The following LAMA3 variants were observed in gnomAD, a reference collection of about 807,000 sequenced individuals.
LAMA3 encodes the protein laminin subunit alpha-3.
LAMA3 carries 281 observed loss-of-function variants against 402.0 expected under a neutral mutation model. The observed-to-expected ratio is 0.70, with a 90% CI of 0.63 to 0.77. LAMA3 has a LOEUF of 0.77. LAMA3 is among the 30% of genes least tolerant of loss of function. The pLI is 0.00. For synonymous variants in LAMA3, 1,431 were observed against 1,558.4 expected, an observed-to-expected ratio of 0.92 and a Z score of 1.93; for missense variants, 3,840 against 4,215.5, an observed-to-expected ratio of 0.91 and a Z score of 2.47.
intron 12 of LAMA3, among the ~76,000 whole-genome samples, chr18:23,789,283 A>G (rs1227067779): frequency 6.6e-6 from 1 of 152,206 alleles, no homozygotes; most frequent in Non-Finnish European, 1.5e-5. Flanking sequence ...AAAGTTAAAC[A>G]TAAAGTTACC....
chr18:23,738,973 G>T (rs1261680916), intron 2 of LAMA3, among the ~76,000 whole-genome samples: 1 of 152,174 alleles, frequency 6.6e-6, no homozygotes, highest in African/African-American at 2.4e-5. Context: ...CGGTGGAAAG[G>T]GGATTCAGAT....
In LAMA3 at chr18:23,901,136, G is replaced by A. The variant is rs556381641; in HGVS notation, c.6014G>A (p.Arg2005Gln). The A allele has an allele frequency of 9.5e-5, 154 of 1,613,996 alleles. 1 individual carries two copies. The highest frequency in any genetic ancestry group is 5.7e-4 in the South Asian group (52 of 91,072). ...DKRESQLLLN[R>Q]IRTWQKTHQG... ...AGGTGATGTATTACAGTGCTGAACC[G>A]GATAAGGACCTGGCAGAAAACCCAC... Residue 2005 changes from arginine to glutamine, a missense_variant, in exon 48 of 75, where the codon CGG becomes CAG. Arg to Gln is a conservative substitution (Grantham distance 43). Around this residue, in one of 3 missense-constraint regions of LAMA3, gnomAD observed 891 missense variants for 857.5 expected, o/e 1.04. Transcript: ENST00000313654.
chr18:23,813,231 T>C lies in LAMA3; in HGVS notation c.1788+128T>C, dbSNP rs2063109196. On this transcript the variant is annotated intron_variant, in intron 14 of 74. Coordinates refer to ENST00000313654, the MANE Select transcript of LAMA3 (RefSeq NM_198129.4). The stretch of plus-strand genomic sequence containing the variant: ...AAGGCTAAATTGCTTAAAGAGGTCA[T>C]TGTTGTTTTTCAAAGAGCATATGTG... The C allele has an allele frequency of 8.8e-6, 6 of 682,064 alleles. No homozygotes were observed. In the East Asian group the frequency reaches 1.3e-4, roughly 15 times the overall value. The allele number at this position is 682,064 out of a possible 1,614,324, so 42.3% of individuals were successfully genotyped here.
At chr18:23,719,977 C>G (rs2061180765) in intron 2 of LAMA3, among the ~76,000 whole-genome samples, 1 of 152,184 alleles carries the variant, frequency 6.6e-6, no homozygotes, top group Non-Finnish European at 1.5e-5. Flanking sequence ...TTCAGGAGGC[C>G]AGGGACTATG....
intron 11 of LAMA3, 112 bp downstream of exon 11, chr18:23,777,731 T>A (rs897703201): frequency 1.2e-6 from 1 of 838,070 alleles, no homozygotes; most frequent in African/African-American, 1.7e-5. Context: ...TCCTAGAGCA[T>A]GGTAGGTGCC....
chr18:23,930,935 A>G, intron 64 of LAMA3, 127 bp from the exon 65 acceptor site: 1 of 882,638 alleles, frequency 1.1e-6, no homozygotes, highest in Non-Finnish European at 1.8e-6. Flanking sequence ...CAAAAAGCAA[A>G]CTCAAAGCAT....
chr18:23,830,259 C>A (rs755989072), intron 23 of LAMA3, among the ~76,000 whole-genome samples: 1 of 152,148 alleles, frequency 6.6e-6, no homozygotes, highest in Non-Finnish European at 1.5e-5. Context: ...CCATCTGAAC[C>A]AGAAGTCACC....
chr18:23,890,025 A>T lies in LAMA3; in HGVS notation c.5318A>T (p.Tyr1773Phe), dbSNP rs1201062773. 2 of 1,613,746 alleles carry T rather than the reference A, an allele frequency of 1.2e-6. No individual in the cohort carries two copies. Among genetic ancestry groups the T allele is most frequent in the Non-Finnish European group, 1.7e-6 (2 of 1,179,646 alleles). Residue 1773 changes from tyrosine to phenylalanine, a missense_variant, in exon 42 of 75, where the codon TAT becomes TTT. Tyr to Phe is a conservative substitution (Grantham distance 22, BLOSUM62 3). Coordinates refer to ENST00000313654, the MANE Select transcript of LAMA3 (RefSeq NM_198129.4). ...GTQCERCAPGYFGNPQKFGGS... is the reference protein window; with the variant it reads ...GTQCERCAPGFFGNPQKFGGS... ...ATTTTGTGTAGGTGTGCACCGGGAT[A>T]TTTCGGGAATCCCCAGAAATTCGGA...
At chr18:23,912,971 C>T (rs964450013) in intron 56 of LAMA3, 90 bp downstream of exon 56, 2 of 1,174,994 alleles carry the variant, frequency 1.7e-6, no homozygotes, top group African/African-American at 3.0e-5. Flanking sequence ...TGCATCACTG[C>T]CATTAGCACA....
At chr18:23,770,501 C>G (rs2062173632) in intron 8 of LAMA3, among the ~76,000 whole-genome samples, 2 of 152,194 alleles carry the variant, frequency 1.3e-5, no homozygotes, top group Admixed American at 1.3e-4. Flanking sequence ...GTGGCTCACG[C>G]CTGTAATCCC....
intron 69 of LAMA3, among the ~76,000 whole-genome samples, chr18:23,944,863 G>T (rs1159394396): frequency 6.6e-6 from 1 of 152,204 alleles, no homozygotes; most frequent in South Asian, 2.1e-4. Context: ...GGCCAGGCGC[G>T]GTGGCTCATG....
intron 36 of LAMA3, 139 bp from the exon 37 acceptor site, chr18:23,867,695 C>A: frequency 1.4e-6 from 1 of 728,098 alleles, no homozygotes. Context: ...ATATTTTTAC[C>A]AGTCAGTTAA....
chr18:23,948,985 A>T (rs1327373250), intron 70 of LAMA3, among the ~76,000 whole-genome samples: 1 of 152,206 alleles, frequency 6.6e-6, no homozygotes, highest in East Asian at 1.9e-4. Context: ...GGTGAATCTC[A>T]AACTTTCTTG....
chr18:23,801,123 A>T (rs1481636489), intron 12 of LAMA3, among the ~76,000 whole-genome samples: 4 of 152,232 alleles, frequency 2.6e-5, no homozygotes, highest in Non-Finnish European at 5.9e-5. Context: ...GAATGAACTC[A>T]TGTCCTTTGC....
chr18:23,909,283 T>C lies in LAMA3; in HGVS notation c.7146T>C (p.Asp2382=), dbSNP rs2081356265. The change falls in exon 55 of 75, where the codon GAT becomes GAC. Residue 2382 remains aspartate (D), a synonymous_variant. Transcript: ENST00000313654. ...GAGAACTAATTCAGCAGGCCAGAGATGCTGCCAGTAAGGTGAGTGTGTCCC... is the reference window on the plus strand; with the variant it reads ...GAGAACTAATTCAGCAGGCCAGAGACGCTGCCAGTAAGGTGAGTGTGTCCC... ...RIRELIQQAR[D]AASKVAVPMR... The C allele has an allele frequency of 6.2e-7, 1 of 1,612,344 alleles. No homozygotes were observed. Among genetic ancestry groups the C allele is most frequent in the Non-Finnish European group, 8.5e-7 (1 of 1,180,020 alleles).
intron 11 of LAMA3, among the ~76,000 whole-genome samples, chr18:23,783,323 G>T (rs1427920174): frequency 6.6e-6 from 1 of 152,088 alleles, no homozygotes; most frequent in Non-Finnish European, 1.5e-5. Context: ...TGTTGTGAAA[G>T]AAAAACACAG....
intron 32 of LAMA3, among the ~76,000 whole-genome samples, chr18:23,856,380 A>T (rs1296296794): frequency 1.3e-5 from 2 of 152,230 alleles, no homozygotes; most frequent in Non-Finnish European, 2.9e-5. Flanking sequence ...GTAATTGAAC[A>T]ATAAAGTGTT....
intron 10 of LAMA3, 123 bp downstream of exon 10, chr18:23,776,046 G>C (rs1204365281): frequency 1.1e-5 from 11 of 975,508 alleles, no homozygotes; most frequent in Non-Finnish European, 1.8e-5. Context: ...CAGGTGGGTT[G>C]TATTTATGTA....
chr18:23,829,579 GC>G (rs2063454334), intron 23 of LAMA3, among the ~76,000 whole-genome samples: 1 of 152,122 alleles, frequency 6.6e-6, no homozygotes, highest in African/African-American at 2.4e-5. Context: ...TGGTCATGAG[GC>G]CACATATTTG....
Sources: gnomAD v4.1 joint callset for allele counts (sites outside exome capture counted in the v4.1 genomes callset) on GRCh38, gnomAD v4.1.1 for gene constraint, gnomAD v4.1.1 regional missense constraint, MANE v1.5 for transcripts, NCBI Gene and HGNC (gene_info 2026-07-23, HGNC 2026-07-21) for gene names.